SLC9C1: variants seen among roughly 807,000 people sequenced by gnomAD.
SLC9C1 encodes sodium/hydrogen exchanger 10.
SLC9C1 carries 97 observed loss-of-function variants against 140.9 expected under a neutral mutation model. The ratio of observed to expected loss-of-function variants is 0.69; its 90% confidence interval spans 0.58 to 0.82. The LOEUF (loss-of-function observed/expected upper bound fraction) is 0.82. Among genes scored for constraint, SLC9C1 ranks in the 40% least tolerant of loss-of-function variants. SLC9C1 has a pLI of 0.00. For missense variants in SLC9C1, 1,340 were observed against 1,389.3 expected (o/e 0.96, Z 0.56); for synonymous variants, 440 against 442.6 (o/e 0.99, Z 0.07).
At chr3:112,274,844 TC>T (rs11324928) in intron 6 of SLC9C1, 52 bp downstream of exon 6, 367,164 of 1,382,312 alleles carry the variant, frequency 0.27, 50,884 homozygotes, top group Admixed American at 0.36. Context: ...ACATCAGCTT[TC>T]AGAAAATACA....
chr3:112,276,077 CT>C (rs1355203777), intron 5 of SLC9C1, among the ~76,000 whole-genome samples: 1 of 152,032 alleles, frequency 6.6e-6, no homozygotes, highest in African/African-American at 2.4e-5. Flanking sequence ...CTTAGTGAAC[CT>C]AGCAAGATCA....
chr3:112,285,772 A>G (rs114286043), intron 2 of SLC9C1, among the ~76,000 whole-genome samples: 2 of 151,436 alleles, frequency 1.3e-5, no homozygotes, highest in Non-Finnish European at 2.9e-5. Context: ...TTTACTTTTT[A>G]TTTTTTTTCT....
In SLC9C1 at chr3:112,202,347, T is replaced by C. The variant is rs748967429; in HGVS notation, c.2225A>G (p.Lys742Arg). 3.1e-6 allele frequency: 5 copies of C among 1,609,030 alleles called. No individual in the cohort carries two copies. The highest frequency in any genetic ancestry group is 4.2e-6 in the Non-Finnish European group (5 of 1,177,696). Residue 742 changes from lysine to arginine, a missense_variant, in exon 18 of 29, where the codon AAG (lysine) becomes AGG (arginine). Physicochemically the swap from Lys to Arg is conservative, Grantham distance 26. Coordinates refer to ENST00000305815, the MANE Select transcript of SLC9C1 (RefSeq NM_183061.3). Reference protein sequence around the residue: ...QIIDKRMSHQKTFWYGILKGY... With the variant: ...QIIDKRMSHQRTFWYGILKGY... ...TTTTAGTATTCCATACCAAAAGGTC[T>C]TCTGATGACTCATTCTTTTATCTAT...
intron 10 of SLC9C1, among the ~76,000 whole-genome samples, chr3:112,259,242 T>A (rs1418007809): frequency 6.6e-6 from 1 of 151,404 alleles, no homozygotes; most frequent in African/African-American, 2.4e-5. Context: ...GGGAGCTAAA[T>A]GATGAGAACA....
chr3:112,234,957 T>G (rs890035029), intron 12 of SLC9C1, among the ~76,000 whole-genome samples: 3 of 151,944 alleles, frequency 2.0e-5, no homozygotes, highest in African/African-American at 7.3e-5. Context: ...CTTAGCAATG[T>G]GGGCTCTTTT....
chr3:112,144,499 T>C (rs2074728362), intron 28 of SLC9C1, among the ~76,000 whole-genome samples: 1 of 152,160 alleles, frequency 6.6e-6, no homozygotes, highest in Non-Finnish European at 1.5e-5. Flanking sequence ...TATTGGTAAT[T>C]CAATAAGAAT....
rs777069070 is a variant in SLC9C1, at chr3:112,266,356, AATAAAT to A, written c.776-22_776-17del. On this transcript the variant is annotated splice_polypyrimidine_tract_variant and intron_variant, in intron 7 of 28. Coordinates refer to ENST00000305815, the MANE Select transcript of SLC9C1 (RefSeq NM_183061.3). Reference sequence around the variant, plus strand: ...ACTAACTCACCTATTTTTAAAAAGAAATAAATATAAAGTATTAATTTAACATCAACA... The same window carrying A: ...ACTAACTCACCTATTTTTAAAAAGAAATAAAGTATTAATTTAACATCAACA... The A allele has an allele frequency of 1.5e-5, 23 of 1,557,726 alleles. No individual in the cohort carries two copies. The highest frequency in any genetic ancestry group is 1.8e-5 in the Non-Finnish European group (21 of 1,142,768).
At chr3:112,209,239 TGCAGTAATATATA>T (rs2078137163) in intron 15 of SLC9C1, among the ~76,000 whole-genome samples, 1 of 152,098 alleles carries the variant, frequency 6.6e-6, no homozygotes, top group African/African-American at 2.4e-5. Context: ...AAATTATGAG[TGCAGTAATATATA>T]GTCTGTGCTC....
At chr3:112,280,896 A>G (rs2080340326) in intron 2 of SLC9C1, 113 bp from the exon 3 acceptor site, 3 of 410,024 alleles carry the variant, frequency 7.3e-6, no homozygotes, top group Non-Finnish European at 1.2e-5. Flanking sequence ...ACTACTTTTC[A>G]TGAGTTTAAA....
chr3:112,181,840 A>C (rs1437708346), intron 21 of SLC9C1, among the ~76,000 whole-genome samples: 1 of 152,226 alleles, frequency 6.6e-6, no homozygotes, highest in Non-Finnish European at 1.5e-5. Flanking sequence ...TAGCACCCAC[A>C]GATGAATGGA....
intron 1 of SLC9C1, among the ~76,000 whole-genome samples, chr3:112,288,042 C>CAAAAAAA (rs11462109): frequency 1.7e-4 from 14 of 81,760 alleles, no homozygotes; most frequent in African/African-American, 2.1e-4. Flanking sequence ...GACTCCGTCT[C>CAAAAAAA]AAAAAAAAAA....
chr3:112,291,672 A>T (rs911639421), intron 1 of SLC9C1, among the ~76,000 whole-genome samples: 1 of 152,212 alleles, frequency 6.6e-6, no homozygotes, highest in African/African-American at 2.4e-5. Context: ...GTTGGTGGGA[A>T]TGTAAATTAG....
At chr3:112,185,856 C>T in intron 20 of SLC9C1, 1 of 1,588,022 alleles carries the variant, frequency 6.3e-7, no homozygotes, top group Middle Eastern at 2.3e-4. Flanking sequence ...CGGGACTGCG[C>T]GGCACAGCTC....
At position 112,151,947 on chromosome 3, in the gene SLC9C1, G is replaced by A. The variant is rs1035431529; in HGVS notation, c.3434C>T (p.Ala1145Val). 2.5e-6 allele frequency: 4 copies of A among 1,597,030 alleles called. No homozygotes were observed. In the African/African-American group the frequency reaches 5.4e-5, roughly 22 times the overall value. Residue 1145 changes from alanine to valine, a missense_variant, in exon 28 of 29, where the codon GCC becomes GTC. By Grantham distance (64) the Ala-to-Val change is moderately conservative. Transcript: ENST00000305815. ...RNVKEDGAHS[A>V]ATARSPQPCS... ...AGGCTGGGGACTCCTGGCAGTGGCG[G>A]CACTGTGTGCTCCATCCTGGGATTC...
intron 23 of SLC9C1, among the ~76,000 whole-genome samples, chr3:112,171,215 G>GA (rs1006863619): frequency 0.011 from 1,604 of 147,298 alleles, 28 homozygotes; most frequent in African/African-American, 0.036. Flanking sequence ...GACTCTGTCA[G>GA]AAAAAAAAAA....
intron 20 of SLC9C1, among the ~76,000 whole-genome samples, chr3:112,194,176 T>C (rs2077722875): frequency 6.6e-6 from 1 of 152,084 alleles, no homozygotes; most frequent in Admixed American, 6.5e-5. Context: ...CCCCAAATAA[T>C]GTTCAGGTTT....
At chr3:112,253,267 TTGGGGAAGGCAACAGTGAGATC>T (rs2079514401) in intron 10 of SLC9C1, among the ~76,000 whole-genome samples, 1 of 152,078 alleles carries the variant, frequency 6.6e-6, no homozygotes, top group African/African-American at 2.4e-5. Flanking sequence ...TGCCGCCAAG[TTGGGGAAGGCAACAGTGAGATC>T]ACACAAGAGC....
intron 11 of SLC9C1, among the ~76,000 whole-genome samples, chr3:112,240,812 GA>G (rs1248595004): frequency 5.3e-5 from 8 of 152,138 alleles, no homozygotes; most frequent in African/African-American, 1.7e-4. Flanking sequence ...AGCTTCCTAA[GA>G]AATTTAGCAC....
chr3:112,230,343 G>A (rs767938870), intron 13 of SLC9C1, among the ~76,000 whole-genome samples: 21 of 152,090 alleles, frequency 1.4e-4, no homozygotes, highest in Non-Finnish European at 2.5e-4. Context: ...CAGAACCATG[G>A]CCTTGGAGCA....
Sources: gnomAD v4.1 joint callset for allele counts (sites outside exome capture counted in the v4.1 genomes callset) on GRCh38, gnomAD v4.1.1 for gene constraint, MANE v1.5 for transcripts, NCBI Gene and HGNC (gene_info 2026-07-23, HGNC 2026-07-21) for gene names.